The following WDR27 variants were observed in gnomAD, a reference collection of about 807,000 sequenced individuals.
The protein encoded by WDR27 is WD repeat domain 27, also known as WD repeat-containing protein 27.
WDR27 carries 100 observed loss-of-function variants against 114.4 expected under a neutral mutation model. The observed-to-expected ratio is 0.87, with a 90% CI of 0.74 to 1.03. The LOEUF (loss-of-function observed/expected upper bound fraction) is 1.03, where lower values mean the gene tolerates loss of function less well. Ranked by LOEUF, WDR27 falls within the 50% of genes least tolerant of loss-of-function variation. WDR27 has a pLI of 0.00. For synonymous variants in WDR27, 449 were observed against 423.1 expected (o/e 1.06, Z -0.75); for missense variants, 1,129 against 1,092.9 (o/e 1.03, Z -0.47).
intron 2 of WDR27, among the ~76,000 whole-genome samples, chr6:169,685,967 T>C (rs1782834961): frequency 6.6e-6 from 1 of 152,188 alleles, no homozygotes; most frequent in Admixed American, 6.5e-5. Context: ...TCAAGTCACA[T>C]ATAAGGGAAT....
At chr6:169,439,106 A>T in the WDR27 span, among the ~76,000 whole-genome samples, 1 of 152,226 alleles carries the variant, frequency 6.6e-6, no homozygotes, top group African/African-American at 2.4e-5. Context: ...CCAAAAAAAC[A>T]TCAAACGATG....
chr6:169,589,065 G>A (rs948734495), intron 23 of WDR27, among the ~76,000 whole-genome samples: 1 of 152,080 alleles, frequency 6.6e-6, no homozygotes, highest in African/African-American at 2.4e-5. Context: ...AATCTCACAG[G>A]TGTTTCCAAA....
chr6:169,448,865 G>A, the WDR27 span, among the ~76,000 whole-genome samples: 263 of 152,300 alleles, frequency 1.7e-3, no homozygotes, highest in Non-Finnish European at 2.9e-3. Flanking sequence ...GTCCAGAGCA[G>A]AGCCCGGCCC....
At chr6:169,472,799 G>A (rs1015228202) in intron 25 of WDR27, among the ~76,000 whole-genome samples, 4 of 152,166 alleles carry the variant, frequency 2.6e-5, no homozygotes, top group African/African-American at 9.7e-5. Flanking sequence ...TTTCATGTTG[G>A]AGTGAAACTG....
the WDR27 span, among the ~76,000 whole-genome samples, chr6:169,450,570 G>A: frequency 1.3e-5 from 2 of 152,204 alleles, no homozygotes; most frequent in Non-Finnish European, 2.9e-5. Context: ...TACATGGCAC[G>A]TGCTCAGGGA....
intron 25 of WDR27, among the ~76,000 whole-genome samples, chr6:169,474,337 G>C (rs1348042477): frequency 6.6e-6 from 1 of 152,174 alleles, no homozygotes. Flanking sequence ...CCATGAATTA[G>C]AATTAGTTGA....
intron 3 of WDR27, chr6:169,671,428 G>C (rs1778724984): frequency 6.6e-6 from 1 of 152,286 alleles, no homozygotes; most frequent in Non-Finnish European, 1.5e-5. Flanking sequence ...CCAGTCTAGA[G>C]AGGGACACGT....
At chr6:169,438,819 T>TG in the WDR27 span, among the ~76,000 whole-genome samples, 1 of 152,220 alleles carries the variant, frequency 6.6e-6, no homozygotes, top group Admixed American at 6.5e-5. Flanking sequence ...TTCTTGTGCT[T>TG]GGTGCTGTCT....
chr6:169,636,877 G>C (rs1194773777), intron 18 of WDR27, among the ~76,000 whole-genome samples: 1 of 152,188 alleles, frequency 6.6e-6, no homozygotes, highest in African/African-American at 2.4e-5. Context: ...TTATGACACA[G>C]AGCAAGCTGA....
At chr6:169,514,225 G>A (rs987506311) in intron 25 of WDR27, among the ~76,000 whole-genome samples, 11 of 151,254 alleles carry the variant, frequency 7.3e-5, no homozygotes, top group African/African-American at 2.4e-4. Context: ...TCAAACAAAG[G>A]ATTTTAGTTC....
intron 25 of WDR27, among the ~76,000 whole-genome samples, chr6:169,461,892 G>A (rs1175331544): frequency 6.6e-6 from 1 of 151,922 alleles, no homozygotes; most frequent in South Asian, 2.1e-4. Flanking sequence ...AAATAAATAA[G>A]TGAGTCTTAT....
At chr6:169,502,682 C>T (rs1791481406) in intron 25 of WDR27, among the ~76,000 whole-genome samples, 1 of 152,156 alleles carries the variant, frequency 6.6e-6, no homozygotes, top group Non-Finnish European at 1.5e-5. Flanking sequence ...CTGCCTCCCT[C>T]TTAAGCTCCC....
At chr6:169,469,944 T>C (rs1346920329) in intron 25 of WDR27, among the ~76,000 whole-genome samples, 3 of 152,238 alleles carry the variant, frequency 2.0e-5, no homozygotes, top group East Asian at 1.9e-4. Context: ...TTTTTTGCCA[T>C]ACTGATAGGC....
chr6:169,683,330 C>T (rs1035327881), intron 2 of WDR27, among the ~76,000 whole-genome samples: 5 of 151,980 alleles, frequency 3.3e-5, no homozygotes, highest in Non-Finnish European at 7.4e-5. Context: ...AAATAACATA[C>T]AAGGGAGACC....
chr6:169,574,792 C>T (rs572978710), intron 24 of WDR27, among the ~76,000 whole-genome samples: 1 of 152,318 alleles, frequency 6.6e-6, no homozygotes, highest in Admixed American at 6.5e-5. Context: ...CCAGGCCAGC[C>T]ACACATCCAG....
intron 1 of WDR27, among the ~76,000 whole-genome samples, chr6:169,691,440 G>C (rs1562946725): frequency 6.6e-6 from 1 of 152,070 alleles, no homozygotes; most frequent in Non-Finnish European, 1.5e-5. Context: ...TTACTCAGTA[G>C]ACTCTGTAAC....
intron 25 of WDR27, among the ~76,000 whole-genome samples, chr6:169,500,759 A>G (rs1043017982): frequency 3.9e-5 from 6 of 152,166 alleles, no homozygotes; most frequent in Admixed American, 3.3e-4. Flanking sequence ...CCGCAGTGAC[A>G]CAGTTAGTGC....
chr6:169,691,948 G>C (rs1234939872), intron 1 of WDR27, among the ~76,000 whole-genome samples: 3 of 152,138 alleles, frequency 2.0e-5, no homozygotes, highest in South Asian at 2.1e-4. Context: ...ACCACTGCAG[G>C]AATGTACCAA....
At chr6:169,537,642 G>A (rs1012867674) in intron 25 of WDR27, among the ~76,000 whole-genome samples, 4 of 152,134 alleles carry the variant, frequency 2.6e-5, no homozygotes, top group Admixed American at 1.3e-4. Context: ...TGTGATGGGC[G>A]TGGGCTTCGA....
Sources: allele counts gnomAD v4.1 joint callset (sites outside exome capture counted in the v4.1 genomes callset), GRCh38; gene constraint gnomAD v4.1.1; transcripts MANE v1.5; gene names NCBI Gene and HGNC (gene_info 2026-07-23, HGNC 2026-07-21).